Variants in PRKCH observed in about 807,000 individuals in gnomAD.
The protein encoded by PRKCH is protein kinase C eta.
A neutral mutation model predicts 82.5 loss-of-function variants in PRKCH; 28 were observed. The observed-to-expected ratio is 0.34, with a 90% confidence interval of 0.25 to 0.47. The LOEUF (loss-of-function observed/expected upper bound fraction) is 0.47. Ranked by LOEUF, PRKCH falls within the 20% of genes least tolerant of loss-of-function variation. The probability of loss-of-function intolerance (pLI) is 1.00; values close to 1 mark genes in which losing one functional copy is unlikely to be tolerated. For synonymous variants in PRKCH, 322 were observed against 327.4 expected, an observed-to-expected ratio of 0.98 and a Z score of 0.18; for missense variants, 705 against 881.8, an observed-to-expected ratio of 0.80 and a Z score of 2.54.
chr14:61,289,572 T>C (rs2045343069), intron 1 of PRKCH, among the ~76,000 whole-genome samples: 1 of 152,172 alleles, frequency 6.6e-6, no homozygotes, highest in Non-Finnish European at 1.5e-5. Flanking sequence ...TTAGTCATGG[T>C]GGCATGTGCC....
intron 1 of PRKCH, among the ~76,000 whole-genome samples, chr14:61,310,190 C>T (rs1361576411): frequency 6.6e-6 from 1 of 152,190 alleles, no homozygotes; most frequent in Non-Finnish European, 1.5e-5. Flanking sequence ...ACCAATCATG[C>T]CTTCCCAACA....
chr14:61,236,489 C>A (rs982830752), intron 1 of PRKCH, among the ~76,000 whole-genome samples: 12 of 151,694 alleles, frequency 7.9e-5, no homozygotes. Context: ...GTGGGTGGAT[C>A]ATGAGGTCAG....
At chr14:61,412,658 T>C (rs1045330913) in intron 2 of PRKCH, among the ~76,000 whole-genome samples, 3 of 152,162 alleles carry the variant, frequency 2.0e-5, no homozygotes, top group African/African-American at 4.8e-5. Context: ...ACCCATGGCA[T>C]ATAAATTTTT....
intron 10 of PRKCH, among the ~76,000 whole-genome samples, chr14:61,504,196 G>GT (rs60311906): frequency 1.3e-5 from 2 of 151,182 alleles, no homozygotes; most frequent in Non-Finnish European, 2.9e-5. Flanking sequence ...TGTTTATTGG[G>GT]TTTTTTTTTC....
intron 2 of PRKCH, among the ~76,000 whole-genome samples, chr14:61,391,629 G>A (rs1199713851): frequency 6.6e-6 from 1 of 152,022 alleles, no homozygotes; most frequent in East Asian, 1.9e-4. Flanking sequence ...CTTTTAGTTT[G>A]CCTGTGAATG....
intron 10 of PRKCH, among the ~76,000 whole-genome samples, chr14:61,511,907 CAGAGTGTAA>C (rs1887394947): frequency 2.0e-5 from 3 of 152,186 alleles, no homozygotes; most frequent in African/African-American, 4.8e-5. Flanking sequence ...CTGTAAAACT[CAGAGTGTAA>C]CTGCAGTTTT....
At chr14:61,500,336 T>G (rs538771131) in intron 10 of PRKCH, among the ~76,000 whole-genome samples, 1 of 152,064 alleles carries the variant, frequency 6.6e-6, no homozygotes, top group Non-Finnish European at 1.5e-5. Context: ...TATCTGGGAC[T>G]ACAAGTGTGT....
At chr14:61,524,630 A>T (rs961022424) in intron 10 of PRKCH, among the ~76,000 whole-genome samples, 1 of 151,968 alleles carries the variant, frequency 6.6e-6, no homozygotes, top group Admixed American at 6.6e-5. Flanking sequence ...CTTTTGCTTT[A>T]AAAAAAATAA....
chr14:61,540,512 A>T (rs2043169903), intron 12 of PRKCH, among the ~76,000 whole-genome samples: 1 of 152,204 alleles, frequency 6.6e-6, no homozygotes, highest in Non-Finnish European at 1.5e-5. Flanking sequence ...CAGGTTACAG[A>T]TGGGTCTGTT....
chr14:61,341,456 C>T (rs2045929148), intron 1 of PRKCH, among the ~76,000 whole-genome samples: 1 of 152,210 alleles, frequency 6.6e-6, no homozygotes, highest in Non-Finnish European at 1.5e-5. Flanking sequence ...GAGCATGCCA[C>T]ATGCACATGT....
At chr14:61,515,046 G>A (rs3783759) in intron 10 of PRKCH, among the ~76,000 whole-genome samples, 49,997 of 152,026 alleles carry the variant, frequency 0.33, 10,421 homozygotes, top group African/African-American at 0.59. Flanking sequence ...TTATCACAGA[G>A]TTGTTTATAA....
intron 1 of PRKCH, among the ~76,000 whole-genome samples, chr14:61,259,827 T>C (rs541467644): frequency 1.1e-4 from 16 of 152,300 alleles, no homozygotes; most frequent in African/African-American, 3.6e-4. Context: ...CCCCGATTTG[T>C]TTTACAGATT....
chr14:61,251,677 T>C (rs1038849828), intron 1 of PRKCH, among the ~76,000 whole-genome samples: 8 of 152,196 alleles, frequency 5.3e-5, no homozygotes, highest in African/African-American at 1.9e-4. Flanking sequence ...AGTGCAGATA[T>C]CTCTTGGACA....
intron 12 of PRKCH, among the ~76,000 whole-genome samples, chr14:61,534,718 G>A (rs1430408446): frequency 6.6e-6 from 1 of 151,948 alleles, no homozygotes; most frequent in Non-Finnish European, 1.5e-5. Context: ...TGAGGAAACG[G>A]GCCCAGAGAG....
At chr14:61,274,572 A>G (rs1218601335) in intron 1 of PRKCH, among the ~76,000 whole-genome samples, 1 of 152,236 alleles carries the variant, frequency 6.6e-6, no homozygotes, top group African/African-American at 2.4e-5. Flanking sequence ...TTTGGGATAT[A>G]GAAGCAACAG....
At chr14:61,502,444 T>G (rs932945334) in intron 10 of PRKCH, among the ~76,000 whole-genome samples, 2 of 152,156 alleles carry the variant, frequency 1.3e-5, no homozygotes, top group Non-Finnish European at 2.9e-5. Flanking sequence ...GAGAAAGTGC[T>G]GGTTTTTTCA....
At chr14:61,431,235 C>T (rs1159232000) in intron 2 of PRKCH, among the ~76,000 whole-genome samples, 3 of 152,314 alleles carry the variant, frequency 2.0e-5, no homozygotes, top group African/African-American at 7.2e-5. Context: ...GTACATGCGG[C>T]CCTTCCCAAG....
chr14:61,501,897 A>G (rs1886924880), intron 10 of PRKCH, among the ~76,000 whole-genome samples: 2 of 152,082 alleles, frequency 1.3e-5, no homozygotes, highest in South Asian at 2.1e-4. Context: ...GAAATGGTCT[A>G]TGCATATGCA....
chr14:61,238,368 T>G (rs1169341690), intron 1 of PRKCH, among the ~76,000 whole-genome samples: 5 of 152,202 alleles, frequency 3.3e-5, no homozygotes, highest in African/African-American at 1.2e-4. Context: ...TTTTTCTTGA[T>G]TAATCTGCCT....
Sources: gnomAD v4.1 joint callset for allele counts (sites outside exome capture counted in the v4.1 genomes callset) on GRCh38, gnomAD v4.1.1 for gene constraint, MANE v1.5 for transcripts, NCBI Gene and HGNC (gene_info 2026-07-23, HGNC 2026-07-21) for gene names.